GPM6B: variants seen among roughly 807,000 people sequenced by gnomAD.
The protein encoded by GPM6B is glycoprotein M6B.
GPM6B carries 4 observed loss-of-function variants against 27.2 expected under a neutral mutation model. The observed-to-expected ratio is 0.15, with a 90% confidence interval of 0.07 to 0.34. The LOEUF is 0.34. Among genes scored for constraint, GPM6B ranks in the 10% least tolerant of loss-of-function variants. The pLI is 1.00. For synonymous variants in GPM6B, 124 were observed against 103.1 expected (o/e 1.20, Z -1.23); for missense variants, 183 against 261.9 (o/e 0.70, Z 2.08).
At chrX:13,917,269 A>G (rs1235201904) in intron 1 of GPM6B, among the ~76,000 whole-genome samples, 1 of 112,553 alleles carries the variant, frequency 8.9e-6, no homozygotes, top group African/African-American at 3.2e-5. Flanking sequence ...GCAAAAACAC[A>G]TGTAAACTAT....
At chrX:13,869,072 T>C (rs1483770227) in intron 1 of GPM6B, among the ~76,000 whole-genome samples, 1 of 111,558 alleles carries the variant, frequency 9.0e-6, no homozygotes, top group Non-Finnish European at 1.9e-5. Context: ...CCAAAAGGTA[T>C]TAGGTGTTCA....
At chrX:13,823,439 C>T (rs892050364) in intron 1 of GPM6B, among the ~76,000 whole-genome samples, 2 of 111,559 alleles carry the variant, frequency 1.8e-5, no homozygotes, top group African/African-American at 6.5e-5. Flanking sequence ...GCCACCAAAA[C>T]AGTGATTGCT....
intron 1 of GPM6B, among the ~76,000 whole-genome samples, chrX:13,909,181 T>C (rs1473118258): frequency 1.0e-5 from 1 of 97,796 alleles, no homozygotes; most frequent in Admixed American, 1.2e-4. Context: ...TGGAGTGCAG[T>C]GGCATGATCT....
intron 1 of GPM6B, among the ~76,000 whole-genome samples, chrX:13,921,382 G>C (rs1920970931): frequency 8.9e-6 from 1 of 111,887 alleles, no homozygotes; most frequent in Non-Finnish European, 1.9e-5. Context: ...TACTTTAGTA[G>C]AAGAGTGGGG....
intron 5 of GPM6B, 92 bp from the exon 6 acceptor site, chrX:13,777,517 A>G (rs2048437237): frequency 3.5e-6 from 2 of 567,604 alleles, no homozygotes; most frequent in Admixed American, 5.0e-5. Flanking sequence ...GTTACAGTGT[A>G]ATTGTAGGCT....
intron 1 of GPM6B, among the ~76,000 whole-genome samples, chrX:13,861,838 G>C (rs1420702781): frequency 8.9e-6 from 1 of 111,966 alleles, no homozygotes; most frequent in Non-Finnish European, 1.9e-5. Flanking sequence ...TGGATTTCCT[G>C]GCCATGAATC....
In GPM6B at chrX:13,806,212, A is replaced by G. The variant is rs750519945; in HGVS notation, c.181+1438T>C. On this transcript the variant is annotated intron_variant, in intron 2 of 7. Coordinates refer to ENST00000316715, the MANE Select transcript of GPM6B (RefSeq NM_001001995.3). ...TTCTCTCAGCCTCTGGCAACCATTA[A>G]CCTACTTCTTATCTCACCAATTCTG... Among the ~76,000 whole-genome samples the G allele has an allele frequency of 2.7e-5, 3 of 111,309 alleles. No individual in the cohort carries two copies. The Admixed American group carries it at 2.9e-4, about 11-fold the overall frequency.
intron 1 of GPM6B, among the ~76,000 whole-genome samples, chrX:13,893,423 AAC>A (rs1350183469): frequency 3.6e-5 from 4 of 111,675 alleles, no homozygotes; most frequent in East Asian, 5.6e-4. Flanking sequence ...AAAAAAAAAA[AAC>A]ATGCTTCCTG....
At chrX:13,814,125 TG>T (rs1261896741) in intron 1 of GPM6B, among the ~76,000 whole-genome samples, 2 of 112,646 alleles carry the variant, frequency 1.8e-5, no homozygotes, top group Non-Finnish European at 3.8e-5. Flanking sequence ...AGCTGGGTTG[TG>T]TTGTCCCGCT....
intron 1 of GPM6B, among the ~76,000 whole-genome samples, chrX:13,868,750 T>G (rs190390100): frequency 1.5e-4 from 17 of 112,408 alleles, no homozygotes; most frequent in African/African-American, 5.5e-4. Context: ...ACTAATATCT[T>G]TCCTTTCTCA....
chrX:13,786,262 G>A (rs1386006358), intron 2 of GPM6B, among the ~76,000 whole-genome samples: 2 of 112,253 alleles, frequency 1.8e-5, no homozygotes, highest in Non-Finnish European at 3.8e-5. Flanking sequence ...ACAGTTCTGG[G>A]GTTTCAATAC....
At position 13,772,931 on chromosome X, in the gene GPM6B, G is replaced by A; in HGVS notation, c.937C>T (p.Leu313=). 1 of 1,209,628 alleles carries A rather than the reference G, an allele frequency of 8.3e-7. No homozygotes were observed. ...QDIKAKEEQE[L]QDIQSRSKEQ... ...TTTGACCGAGACTGGATATCTTGCA[G>A]TTCCTGTTCTTCCTTTGCTTTGATA... is the stretch of plus-strand genomic sequence containing the variant. Residue 313 remains leucine, a synonymous_variant, in exon 8 of 8, where the codon CTG becomes TTG. Coordinates refer to ENST00000316715, the MANE Select transcript of GPM6B (RefSeq NM_001001995.3).
At chrX:13,907,137 A>C in intron 1 of GPM6B, among the ~76,000 whole-genome samples, 1 of 112,440 alleles carries the variant, frequency 8.9e-6, no homozygotes, top group Non-Finnish European at 1.9e-5. Context: ...CTCTTAAGCG[A>C]CCACAAAAGC....
chrX:13,916,191 A>G (rs1164198569), intron 1 of GPM6B, among the ~76,000 whole-genome samples: 1 of 111,829 alleles, frequency 8.9e-6, no homozygotes, highest in Non-Finnish European at 1.9e-5. Context: ...AAAAGATGCC[A>G]ACACAGAAAT....
At chrX:13,867,814 G>A (rs763209037) in intron 1 of GPM6B, among the ~76,000 whole-genome samples, 1 of 111,955 alleles carries the variant, frequency 8.9e-6, no homozygotes, top group African/African-American at 3.2e-5. Context: ...GTGAGGGAAG[G>A]TGGTGGTGGA....
At chrX:13,869,702 A>G (rs1165661053) in intron 1 of GPM6B, among the ~76,000 whole-genome samples, 1 of 111,780 alleles carries the variant, frequency 8.9e-6, no homozygotes, top group Non-Finnish European at 1.9e-5. Context: ...TGGTTTTGAG[A>G]TAAATTCAGA....
intron 5 of GPM6B, 120 bp downstream of exon 5, chrX:13,779,698 A>G: frequency 1.7e-6 from 1 of 578,148 alleles, no homozygotes; most frequent in Non-Finnish European, 2.5e-6. Context: ...AAATTACTCT[A>G]ATAGAAGGGA....
At chrX:13,845,250 A>G (rs994995780) in intron 1 of GPM6B, among the ~76,000 whole-genome samples, 1 of 111,589 alleles carries the variant, frequency 9.0e-6, no homozygotes, top group African/African-American at 3.3e-5. Context: ...TGGGCCTCCC[A>G]AAGTGCCGGG....
At chrX:13,814,200 A>G (rs1022020812) in intron 1 of GPM6B, among the ~76,000 whole-genome samples, 2 of 112,496 alleles carry the variant, frequency 1.8e-5, no homozygotes, top group Non-Finnish European at 3.8e-5. Context: ...AGTTTAATTT[A>G]CATTCTTAGT....
Sources: gnomAD v4.1 joint callset for allele counts (sites outside exome capture counted in the v4.1 genomes callset) on GRCh38, gnomAD v4.1.1 for gene constraint, MANE v1.5 for transcripts, NCBI Gene and HGNC (gene_info 2026-07-23, HGNC 2026-07-21) for gene names.